ATXN2: variants seen among roughly 807,000 people sequenced by gnomAD.
The protein encoded by ATXN2 is ataxin 2.
A neutral mutation model predicts 138.6 loss-of-function variants in ATXN2; 37 were observed. That is an observed-to-expected ratio of 0.27 (90% CI 0.21 to 0.35). ATXN2 has a LOEUF of 0.35. ATXN2 is among the 10% of genes least tolerant of loss of function. The pLI is 1.00. For synonymous variants in ATXN2, 549 were observed against 543.7 expected (o/e 1.01, Z -0.13); for missense variants, 1,216 against 1,480.3 (o/e 0.82, Z 2.93).
At chr12:111,596,384 C>CAT (rs1160944454) in intron 1 of ATXN2, among the ~76,000 whole-genome samples, 1 of 151,850 alleles carries the variant, frequency 6.6e-6, no homozygotes, top group Non-Finnish European at 1.5e-5. Flanking sequence ...CACACACACA[C>CAT]ACACAAAGTC....
chr12:111,513,175 T>A, intron 11 of ATXN2, 182 bp downstream of exon 11: 2 of 634,372 alleles, frequency 3.2e-6, no homozygotes, highest in Non-Finnish European at 5.1e-6. Flanking sequence ...TGACTTGCTT[T>A]AATATATGAT....
intron 14 of ATXN2, among the ~76,000 whole-genome samples, chr12:111,493,476 CAAT>C (rs938031300): frequency 8.0e-6 from 1 of 125,008 alleles, no homozygotes; most frequent in African/African-American, 3.2e-5. Flanking sequence ...TGTTAACAAA[CAAT>C]AATAAATCAC....
intron 5 of ATXN2, among the ~76,000 whole-genome samples, chr12:111,525,661 C>A (rs1038718232): frequency 1.3e-5 from 2 of 150,142 alleles, no homozygotes; most frequent in Non-Finnish European, 3.0e-5. Context: ...ATTTTCTTTT[C>A]ATATAATTTT....
At chr12:111,556,528 G>A (rs1468988912) in intron 1 of ATXN2, among the ~76,000 whole-genome samples, 1 of 152,086 alleles carries the variant, frequency 6.6e-6, no homozygotes, top group African/African-American at 2.4e-5. Context: ...AGAAAAACAG[G>A]TCATATGGGC....
Position 111,552,742 on chromosome 12 carries a change from C to A in ATXN2, c.420+164G>T. The stretch of plus-strand genomic sequence containing the variant: ...AATGGTTGAAATATTTTAATAAGCA[C>A]ACACATCAAGAAGCCTCTCTGATTA... On this transcript the variant is annotated intron_variant, in intron 4 of 24. Transcript: ENST00000673436. This position sits in a 1 kb window ranked among gnomAD's most constrained non-coding sequence, Gnocchi z 4.1. 1.8e-6 allele frequency: 1 copy of A among 563,278 alleles called. No homozygotes were observed. Among genetic ancestry groups the A allele is most frequent in the Non-Finnish European group, 3.0e-6 (1 of 333,548 alleles). The allele number at this position is 563,278 out of a possible 1,614,324, so 34.9% of individuals were successfully genotyped here.
chr12:111,497,127 C>G (rs896318792), intron 14 of ATXN2, among the ~76,000 whole-genome samples: 2 of 152,002 alleles, frequency 1.3e-5, no homozygotes, highest in African/African-American at 4.8e-5. Flanking sequence ...TGGATAAATT[C>G]CTAGACACAT....
intron 1 of ATXN2, among the ~76,000 whole-genome samples, chr12:111,567,284 G>C (rs748125790): frequency 2.0e-5 from 3 of 150,768 alleles, no homozygotes; most frequent in Non-Finnish European, 3.0e-5. Context: ...GGCAGATCAC[G>C]AAGCCAGGAG....
At chr12:111,587,309 A>C (rs753122988) in intron 1 of ATXN2, among the ~76,000 whole-genome samples, 11 of 152,152 alleles carry the variant, frequency 7.2e-5, no homozygotes, top group Non-Finnish European at 1.3e-4. Flanking sequence ...ACTTAGAAAA[A>C]TTATTAAGAA....
At chr12:111,583,870 A>C (rs943945002) in intron 1 of ATXN2, among the ~76,000 whole-genome samples, 4 of 151,988 alleles carry the variant, frequency 2.6e-5, no homozygotes, top group African/African-American at 9.7e-5. Flanking sequence ...CTTTAGATAA[A>C]TAACTTTTTT....
At chr12:111,532,945 G>T (rs920562536) in intron 5 of ATXN2, among the ~76,000 whole-genome samples, 9 of 152,292 alleles carry the variant, frequency 5.9e-5, no homozygotes, top group Admixed American at 5.9e-4. Flanking sequence ...CCCCCAGTGG[G>T]ACTTTCTCCA....
At chr12:111,580,867 A>T (rs1024681729) in intron 1 of ATXN2, among the ~76,000 whole-genome samples, 1 of 152,156 alleles carries the variant, frequency 6.6e-6, no homozygotes, top group South Asian at 2.1e-4. Context: ...AAGGCCAGGC[A>T]TGGTGGCTCA....
chr12:111,492,622 C>T (rs1052533833), intron 14 of ATXN2, among the ~76,000 whole-genome samples: 2 of 151,352 alleles, frequency 1.3e-5, no homozygotes, highest in South Asian at 2.1e-4. Flanking sequence ...ACGGAGGTTG[C>T]GGTGAGCAAA....
At chr12:111,462,961 T>TAC (rs1875694271) in intron 21 of ATXN2, among the ~76,000 whole-genome samples, 3 of 123,774 alleles carry the variant, frequency 2.4e-5, no homozygotes, top group East Asian at 3.1e-4. Context: ...TATACACACA[T>TAC]ACATATATAT....
intron 15 of ATXN2, among the ~76,000 whole-genome samples, chr12:111,487,760 C>T (rs1330915970): frequency 6.6e-6 from 1 of 151,926 alleles, no homozygotes; most frequent in Non-Finnish European, 1.5e-5. Flanking sequence ...GTCAACATAC[C>T]AATATTCTAG....
chr12:111,578,312 T>C (rs1883795162), intron 1 of ATXN2, among the ~76,000 whole-genome samples: 1 of 152,190 alleles, frequency 6.6e-6, no homozygotes, highest in Admixed American at 6.6e-5. Context: ...CACTGATAAA[T>C]GACTCATCCC....
At chr12:111,458,520 TA>T (rs950942198) in intron 21 of ATXN2, 3 of 152,158 alleles carry the variant, frequency 2.0e-5, no homozygotes, top group Non-Finnish European at 4.4e-5. Context: ...ACACCGATGA[TA>T]AAAAACTAAC....
chr12:111,592,221 A>G (rs1884704143), intron 1 of ATXN2, among the ~76,000 whole-genome samples: 1 of 151,160 alleles, frequency 6.6e-6, no homozygotes, highest in Non-Finnish European at 1.5e-5. Context: ...GAAACTCCAT[A>G]TCTACTAAAA....
chr12:111,583,003 T>G (rs1457004522), intron 1 of ATXN2, among the ~76,000 whole-genome samples: 2 of 138,578 alleles, frequency 1.4e-5, no homozygotes, highest in African/African-American at 2.7e-5. Context: ...GTTTTTTTTT[T>G]TTTTTTGGAG....
chr12:111,459,735 C>T (rs572115248), intron 21 of ATXN2, among the ~76,000 whole-genome samples: 16 of 150,052 alleles, frequency 1.1e-4, no homozygotes, highest in African/African-American at 2.7e-4. Context: ...CCACTGCGCC[C>T]GGCCATGTTT....
Sources: gnomAD v4.1 joint callset for allele counts (sites outside exome capture counted in the v4.1 genomes callset) on GRCh38, gnomAD v4.1.1 for gene constraint, Gnocchi (gnomAD v3.1) non-coding constraint, MANE v1.5 for transcripts, NCBI Gene and HGNC (gene_info 2026-07-23, HGNC 2026-07-21) for gene names.